Variants in CCSER1 observed in about 807,000 individuals in gnomAD.
The protein encoded by CCSER1 is serine-rich coiled-coil domain-containing protein 1.
A neutral mutation model predicts 82.0 loss-of-function variants in CCSER1; 41 were observed. That is an observed-to-expected ratio of 0.50 (90% confidence interval 0.39 to 0.65). The LOEUF (loss-of-function observed/expected upper bound fraction) is 0.65. CCSER1 is among the 30% of genes least tolerant of loss of function. The pLI, the probability that CCSER1 is intolerant of heterozygous loss-of-function variation, is 0.00. For missense variants in CCSER1, 1,119 were observed against 1,064.2 expected, an observed-to-expected ratio of 1.05 and a Z score of -0.72; for synonymous variants, 414 against 383.9, an observed-to-expected ratio of 1.08 and a Z score of -0.92.
At chr4:90,372,959 C>T (rs1747700134) in intron 3 of CCSER1, among the ~76,000 whole-genome samples, 1 of 151,106 alleles carries the variant, frequency 6.6e-6, no homozygotes, top group Non-Finnish European at 1.5e-5. Context: ...GAGATGCAAA[C>T]TGTTGCATTA....
chr4:91,305,655 A>G (rs1390924731), intron 10 of CCSER1, among the ~76,000 whole-genome samples: 1 of 151,440 alleles, frequency 6.6e-6, no homozygotes, highest in East Asian at 1.9e-4. Context: ...GTCAGTGTGT[A>G]TGTATGTGTG....
chr4:90,264,461 T>C (rs1027057712), intron 1 of CCSER1, among the ~76,000 whole-genome samples: 1 of 152,160 alleles, frequency 6.6e-6, no homozygotes, highest in African/African-American at 2.4e-5. Context: ...AGTTAGTTTA[T>C]TACAGAATAT....
chr4:91,153,846 T>A (rs1377441598), intron 10 of CCSER1, among the ~76,000 whole-genome samples: 1 of 151,908 alleles, frequency 6.6e-6, no homozygotes, highest in Admixed American at 6.6e-5. Context: ...ACGGCATATA[T>A]TGCTGCCTGA....
At chr4:90,363,360 G>T (rs1191476852) in intron 3 of CCSER1, among the ~76,000 whole-genome samples, 3 of 151,720 alleles carry the variant, frequency 2.0e-5, no homozygotes, top group African/African-American at 4.8e-5. Context: ...TTTCATTTTT[G>T]CATTGCTAAT....
intron 9 of CCSER1, among the ~76,000 whole-genome samples, chr4:91,021,726 C>T (rs2150528773): frequency 6.6e-6 from 1 of 152,192 alleles, no homozygotes; most frequent in Non-Finnish European, 1.5e-5. Context: ...CAGTAAATTT[C>T]CTGTAAACCA....
chr4:90,761,809 T>C (rs1395851543), intron 7 of CCSER1, among the ~76,000 whole-genome samples: 3 of 152,096 alleles, frequency 2.0e-5, no homozygotes, highest in African/African-American at 4.8e-5. Flanking sequence ...GTTGTAAGAA[T>C]AGCAGATTTG....
chr4:90,180,600 A>T (rs973240763), intron 1 of CCSER1, among the ~76,000 whole-genome samples: 5 of 151,816 alleles, frequency 3.3e-5, no homozygotes, highest in African/African-American at 7.3e-5. Context: ...AAAAAAAAAA[A>T]TTTGTTTATC....
Position 90,133,306 on chromosome 4 carries a change from T to C in CCSER1, c.-42+5475T>C, listed in dbSNP as rs144300119. Among the ~76,000 whole-genome samples, 255 of 152,310 alleles carry C rather than the reference T, an allele frequency of 1.7e-3. 2 individuals are homozygous for C. Among genetic ancestry groups the C allele is most frequent in the African/African-American group, 5.4e-3 (225 of 41,558 alleles). ...TGCTTGTGCAAGAATTTGCTGTTGA[T>C]TGGGGAGGGAATACATGAAAATTTA... On this transcript the variant is annotated intron_variant, in intron 1 of 10. Coordinates refer to ENST00000509176, the MANE Select transcript of CCSER1 (RefSeq NM_001145065.2).
At chr4:90,795,170 C>T (rs536159024) in intron 7 of CCSER1, among the ~76,000 whole-genome samples, 101 of 151,884 alleles carry the variant, frequency 6.6e-4, no homozygotes, top group African/African-American at 2.3e-3. Flanking sequence ...ACCTGTAATC[C>T]CAACTACTCG....
intron 9 of CCSER1, among the ~76,000 whole-genome samples, chr4:91,009,496 C>A (rs1257855958): frequency 7.5e-6 from 1 of 133,158 alleles, no homozygotes; most frequent in Non-Finnish European, 1.6e-5. Context: ...GATTCTTAGT[C>A]AGCCTAAGAA....
intron 1 of CCSER1, among the ~76,000 whole-genome samples, chr4:90,146,324 C>G (rs1725805438): frequency 6.6e-6 from 1 of 151,926 alleles, no homozygotes; most frequent in Non-Finnish European, 1.5e-5. Context: ...TTTTATGGAG[C>G]ATAAAATAAT....
chr4:91,165,933 T>C (rs1203131543), intron 10 of CCSER1, among the ~76,000 whole-genome samples: 2 of 152,228 alleles, frequency 1.3e-5, no homozygotes, highest in Non-Finnish European at 2.9e-5. Context: ...CTCCATGGGC[T>C]GCACCTACTG....
intron 5 of CCSER1, among the ~76,000 whole-genome samples, chr4:90,566,009 C>T (rs1237031711): frequency 2.0e-5 from 3 of 151,596 alleles, no homozygotes; most frequent in African/African-American, 7.3e-5. Context: ...AGGCACATGC[C>T]ACCACGGCCA....
In CCSER1 at chr4:91,510,742, G is replaced by A. The variant is rs140161857; in HGVS notation, c.2218-87830G>A. Among the ~76,000 whole-genome samples, 102 of 152,014 alleles carry A rather than the reference G, an allele frequency of 6.7e-4. No homozygotes were observed. In the East Asian group the frequency reaches 0.018, roughly 27 times the overall value. ...ATATCATACCTTTTTTGGATACATC[G>A]TTTGCAAATATTTTCTCCCATTCTA... On this transcript the variant is annotated intron_variant, in intron 10 of 10. Transcript: ENST00000509176.
rs140919169 is a variant in CCSER1 at position 91,079,241 on chromosome 4, C to T, written c.2173-6709C>T. On this transcript the variant is annotated intron_variant, in intron 9 of 10. Coordinates refer to ENST00000509176, the MANE Select transcript of CCSER1 (RefSeq NM_001145065.2). ...AGCAGATCTCTCAGCAGAAACTCTA[C>T]ACACCAGAAGAGAGTGGGGGTCAAT... Among the ~76,000 whole-genome samples the T allele has an allele frequency of 5.9e-5, 9 of 152,196 alleles. No individual in the cohort carries two copies. The East Asian group carries it at 1.7e-3, about 29-fold the overall frequency.
At chr4:90,798,720 C>G (rs898462784) in intron 7 of CCSER1, among the ~76,000 whole-genome samples, 1 of 152,170 alleles carries the variant, frequency 6.6e-6, no homozygotes, top group African/African-American at 2.4e-5. Flanking sequence ...ATTCAACTGA[C>G]TGGCTTTGTT....
intron 5 of CCSER1, among the ~76,000 whole-genome samples, chr4:90,601,993 C>A (rs1043096347): frequency 2.0e-5 from 3 of 152,014 alleles, no homozygotes; most frequent in African/African-American, 7.2e-5. Flanking sequence ...TAAATGGTCT[C>A]TGTGAACTTT....
intron 9 of CCSER1, among the ~76,000 whole-genome samples, chr4:90,936,224 TTTTC>T (rs1432495726): frequency 1.3e-5 from 2 of 152,098 alleles, no homozygotes; most frequent in South Asian, 4.1e-4. Flanking sequence ...ATTGTAGAAT[TTTTC>T]TTTCTAATTT....
chr4:91,200,704 G>C (rs190543373), intron 10 of CCSER1, among the ~76,000 whole-genome samples: 3 of 151,922 alleles, frequency 2.0e-5, no homozygotes, highest in African/African-American at 4.8e-5. Context: ...ATTTGTACGC[G>C]TTTGGAACAG....
Sources: allele counts gnomAD v4.1 joint callset (sites outside exome capture counted in the v4.1 genomes callset), GRCh38; gene constraint gnomAD v4.1.1; transcripts MANE v1.5; gene names NCBI Gene and HGNC (gene_info 2026-07-23, HGNC 2026-07-21).